GSPT1: variants seen among roughly 807,000 people sequenced by gnomAD.
GSPT1 encodes the protein eukaryotic peptide chain release factor GTP-binding subunit ERF3A.
A neutral mutation model predicts 72.5 loss-of-function variants in GSPT1; 20 were observed. The ratio of observed to expected loss-of-function variants is 0.28; its 90% confidence interval spans 0.19 to 0.40. The LOEUF is 0.40. GSPT1 is among the 10% of genes least tolerant of loss of function. GSPT1 has a pLI of 1.00. For missense variants in GSPT1, 580 were observed against 811.9 expected, an observed-to-expected ratio of 0.71 and a Z score of 3.47; for synonymous variants, 334 against 293.5, an observed-to-expected ratio of 1.14 and a Z score of -1.41.
At chr16:11,882,646 C>G (rs773810211) in intron 11 of GSPT1, 11 of 163,870 alleles carry the variant, frequency 6.7e-5, no homozygotes, top group Non-Finnish European at 1.1e-4. Context: ...ATCTCAGCAA[C>G]TGAACAGTCA....
chr16:11,873,072 G>A lies in GSPT1; in HGVS notation c.*47C>T, dbSNP rs762174816. 1 of 1,027,220 alleles carries A rather than the reference G, an allele frequency of 9.7e-7. No individual in the cohort carries two copies. The highest frequency in any genetic ancestry group is 1.5e-6 in the Non-Finnish European group (1 of 665,944). The allele number at this position is 1,027,220 out of a possible 1,614,324, so 63.6% of individuals were successfully genotyped here. A position where few individuals can be genotyped will look rare whatever the true frequency, so the allele number is the denominator to read the frequency against. ...AGAAGGCGGTGTGAAGTAGGCTTCT[G>A]CAGTCAATTTTCCTCACAGTATTGT... On this transcript the variant is annotated 3_prime_UTR_variant, in exon 15 of 15. Coordinates refer to ENST00000434724, the MANE Select transcript of GSPT1 (RefSeq NM_002094.4).
chr16:11,894,566 GTTCA>G (rs2054311013), intron 5 of GSPT1, among the ~76,000 whole-genome samples: 1 of 152,028 alleles, frequency 6.6e-6, no homozygotes, highest in Non-Finnish European at 1.5e-5. Flanking sequence ...AGAGTTCTGT[GTTCA>G]TTTTTTATTT....
chr16:11,887,488 C>T, intron 7 of GSPT1, 82 bp downstream of exon 7: 5 of 1,153,034 alleles, frequency 4.3e-6, no homozygotes, highest in Non-Finnish European at 6.4e-6. Flanking sequence ...TGAATTTGAG[C>T]TTTTAGAAGA....
intron 6 of GSPT1, 129 bp from the exon 7 acceptor site, chr16:11,887,879 A>G: frequency 1.4e-6 from 1 of 716,522 alleles, no homozygotes; most frequent in Admixed American, 2.8e-5. Flanking sequence ...TGAAATGAAA[A>G]TTGAGCCGGG....
intron 1 of GSPT1, among the ~76,000 whole-genome samples, chr16:11,906,175 G>A (rs1197186673): frequency 2.0e-5 from 3 of 152,018 alleles, no homozygotes; most frequent in Non-Finnish European, 4.4e-5. Flanking sequence ...TCCACCTCCT[G>A]GGTTCAGGCA....
chr16:11,891,026 A>G, intron 6 of GSPT1, 36 bp downstream of exon 6: 1 of 945,074 alleles, frequency 1.1e-6, no homozygotes, highest in Non-Finnish European at 1.6e-6. Flanking sequence ...CGTCTCCTTA[A>G]AAGTAATTTA....
intron 5 of GSPT1, among the ~76,000 whole-genome samples, chr16:11,894,055 C>G (rs1741756757): frequency 7.0e-6 from 1 of 142,706 alleles, no homozygotes. Flanking sequence ...GCTTGGGAGG[C>G]TGAGGTGGAA....
upstream of GSPT1, among the ~76,000 whole-genome samples, chr16:11,916,563 G>T: frequency 6.6e-6 from 1 of 152,112 alleles, no homozygotes; most frequent in Non-Finnish European, 1.5e-5. Flanking sequence ...TTTCAAAGCC[G>T]GTGCAGATTG....
chr16:11,895,133 T>C (rs1292395523), intron 4 of GSPT1, 146 bp from the exon 5 acceptor site: 6 of 584,844 alleles, frequency 1.0e-5, no homozygotes, highest in Non-Finnish European at 1.6e-5. Flanking sequence ...CTTCTCCTTT[T>C]GAAAATGAGC....
At chr16:11,907,740 GC>G (rs1291239391) in intron 1 of GSPT1, among the ~76,000 whole-genome samples, 2 of 152,126 alleles carry the variant, frequency 1.3e-5, no homozygotes, top group Admixed American at 1.3e-4. Flanking sequence ...CATTTCTAAG[GC>G]TCCAGTTCCT....
chr16:11,894,618 A>C (rs1374755675), intron 5 of GSPT1, among the ~76,000 whole-genome samples: 1 of 152,206 alleles, frequency 6.6e-6, no homozygotes, highest in Non-Finnish European at 1.5e-5. Context: ...CACATTTAAC[A>C]CTAGTAATAA....
intron 1 of GSPT1, among the ~76,000 whole-genome samples, chr16:11,907,424 G>A (rs147636648): frequency 6.6e-6 from 1 of 152,182 alleles, no homozygotes; most frequent in Non-Finnish European, 1.5e-5. Context: ...AACCTCAAGA[G>A]AATGTTGTGA....
chr16:11,886,587 T>G lies in GSPT1; in HGVS notation c.1137A>C (p.Leu379=). ...AGCCAACTTTTTTCAAAAATGGCAC[T>G]AGTTTCTCCTTACATTCTTCATATC... ...NERYEECKEK[L]VPFLKKVGFN... The change falls in exon 9 of 15, where the codon CTA becomes CTC. Residue 379 remains leucine (L), a synonymous_variant. Coordinates refer to ENST00000434724, the MANE Select transcript of GSPT1 (RefSeq NM_002094.4). 6.2e-7 allele frequency: 1 copy of G among 1,611,352 alleles called. No individual in the cohort carries two copies. Among genetic ancestry groups the G allele is most frequent in the South Asian group, 1.1e-5 (1 of 91,018 alleles).
Position 11,873,048 on chromosome 16 carries a change from G to C in GSPT1, c.*71C>G. The C allele has an allele frequency of 2.5e-6, 2 of 815,660 alleles. No homozygotes were observed. Among genetic ancestry groups the C allele is most frequent in the Non-Finnish European group, 2.1e-6 (1 of 486,670 alleles). 50.5% of individuals were successfully genotyped at this position (815,660 alleles called of 1,614,324 possible). A position where few individuals can be genotyped will look rare whatever the true frequency, so the allele number is the denominator to read the frequency against. On this transcript the variant is annotated 3_prime_UTR_variant, in exon 15 of 15. Transcript: ENST00000434724. ...GTTTATCAATGGGCAGAAAATAAGA[G>C]AAGGCGGTGTGAAGTAGGCTTCTGC...
At chr16:11,887,906 T>G (rs9933193) in intron 6 of GSPT1, among the ~76,000 whole-genome samples, 156 bp from the exon 7 acceptor site, 13,685 of 152,270 alleles carry the variant, frequency 0.09, 1,179 homozygotes, top group African/African-American at 0.19. Context: ...GGCTCACATC[T>G]GTAATCTGAG....
intron 1 of GSPT1, among the ~76,000 whole-genome samples, chr16:11,912,115 G>C (rs1055376541): frequency 6.7e-6 from 1 of 149,134 alleles, no homozygotes; most frequent in Non-Finnish European, 1.5e-5. Context: ...GGCCAAGGCG[G>C]GCAGATCACC....
At chr16:11,891,386 G>C (rs1596465381) in intron 5 of GSPT1, among the ~76,000 whole-genome samples, 1 of 145,280 alleles carries the variant, frequency 6.9e-6, no homozygotes, top group Non-Finnish European at 1.5e-5. Context: ...TTTTGAGACA[G>C]AGTTTCGCTC....
intron 10 of GSPT1, 48 bp from the exon 11 acceptor site, chr16:11,883,143 A>T (rs755425538): frequency 8.7e-7 from 1 of 1,146,854 alleles, no homozygotes; most frequent in Admixed American, 1.7e-5. Context: ...TTGGTGCTGT[A>T]TAACAGCTCA....
intron 9 of GSPT1, among the ~76,000 whole-genome samples, chr16:11,885,691 C>G (rs1005063679): frequency 9.9e-5 from 15 of 152,152 alleles, no homozygotes; most frequent in African/African-American, 3.4e-4. Context: ...CCCAGGAGTT[C>G]GACACCAGCC....
Sources: gnomAD v4.1 joint callset for allele counts (sites outside exome capture counted in the v4.1 genomes callset) on GRCh38, gnomAD v4.1.1 for gene constraint, MANE v1.5 for transcripts, NCBI Gene and HGNC (gene_info 2026-07-23, HGNC 2026-07-21) for gene names.